The following COL24A1 variants were observed in gnomAD, a reference collection of about 807,000 sequenced individuals.
COL24A1 encodes collagen alpha-1(XXIV) chain.
In COL24A1, 224 loss-of-function variants were observed where a neutral mutation model predicts 253.9. That is an observed-to-expected ratio of 0.88 (90% confidence interval 0.79 to 0.99). The LOEUF is 0.99. Ranked by LOEUF, COL24A1 falls within the 50% of genes least tolerant of loss-of-function variation. The probability of loss-of-function intolerance (pLI) is 0.00; values close to 1 mark genes in which losing one functional copy is unlikely to be tolerated. For synonymous variants in COL24A1, 685 were observed against 673.7 expected, an observed-to-expected ratio of 1.02 and a Z score of -0.26; for missense variants, 2,131 against 2,068.5, an observed-to-expected ratio of 1.03 and a Z score of -0.59.
chr1:85,860,046 GA>G (rs544417552), intron 37 of COL24A1, among the ~76,000 whole-genome samples: 2,921 of 152,230 alleles, frequency 0.019, 91 homozygotes, highest in African/African-American at 0.068. Flanking sequence ...TAATAAAATA[GA>G]GGAACCAGTT....
intron 32 of COL24A1, among the ~76,000 whole-genome samples, chr1:85,878,029 C>G (rs1015195346): frequency 6.6e-6 from 1 of 152,060 alleles, no homozygotes; most frequent in African/African-American, 2.4e-5. Context: ...ATTTAAAGTT[C>G]CTTTATACAT....
chr1:86,078,201 A>G (rs1702390728), intron 7 of COL24A1, among the ~76,000 whole-genome samples: 1 of 152,156 alleles, frequency 6.6e-6, no homozygotes, highest in South Asian at 2.1e-4. Flanking sequence ...GTCAAAAACC[A>G]TATTATCATT....
chr1:85,890,695 C>T (rs1436995471), intron 31 of COL24A1, among the ~76,000 whole-genome samples: 1 of 151,958 alleles, frequency 6.6e-6, no homozygotes, highest in Non-Finnish European at 1.5e-5. Flanking sequence ...TATTTTAAAT[C>T]TGAATTTCTT....
intron 47 of COL24A1, among the ~76,000 whole-genome samples, chr1:85,810,763 C>CTTTAAGGAG (rs1672449997): frequency 6.6e-6 from 1 of 152,196 alleles, no homozygotes; most frequent in South Asian, 2.1e-4. Context: ...GTCCCCACTT[C>CTTTAAGGAG]ACCTTCTAGT....
chr1:85,786,569 T>G, intron 47 of COL24A1, 108 bp from the exon 48 acceptor site: 1 of 856,204 alleles, frequency 1.2e-6, no homozygotes, highest in Non-Finnish European at 1.8e-6. Context: ...TCTGTTAACA[T>G]ACTGCCCAGG....
chr1:86,032,620 TACAAGGC>T (rs1698669076), intron 13 of COL24A1, among the ~76,000 whole-genome samples: 1 of 152,142 alleles, frequency 6.6e-6, no homozygotes, highest in African/African-American at 2.4e-5. Flanking sequence ...TCACATTATT[TACAAGGC>T]ACAAAGTACA....
chr1:85,737,999 G>A (rs550639424), intron 57 of COL24A1, among the ~76,000 whole-genome samples: 36 of 152,168 alleles, frequency 2.4e-4, no homozygotes, highest in Admixed American at 1.5e-3. Flanking sequence ...TAAAAATGCT[G>A]TATTTTTCAC....
At chr1:86,039,087 G>A (rs1699254650) in intron 12 of COL24A1, among the ~76,000 whole-genome samples, 1 of 152,154 alleles carries the variant, frequency 6.6e-6, no homozygotes, top group Admixed American at 6.6e-5. Context: ...TGTGATGCCA[G>A]TGCTAAGTGC....
At chr1:85,802,329 C>T (rs1671512990) in intron 47 of COL24A1, among the ~76,000 whole-genome samples, 1 of 152,166 alleles carries the variant, frequency 6.6e-6, no homozygotes, top group Admixed American at 6.6e-5. Context: ...TATCACTCTA[C>T]ACCTTGCTCA....
At chr1:85,759,054 G>A (rs1259593654) in intron 55 of COL24A1, among the ~76,000 whole-genome samples, 2 of 151,988 alleles carry the variant, frequency 1.3e-5, no homozygotes, top group Non-Finnish European at 2.9e-5. Flanking sequence ...CACTAAATTG[G>A]TCTTATGATC....
chr1:85,859,919 T>C (rs955533228), intron 37 of COL24A1, among the ~76,000 whole-genome samples: 13 of 152,144 alleles, frequency 8.5e-5, no homozygotes, highest in African/African-American at 2.6e-4. Context: ...GGAGTTTAAG[T>C]CCAGCCTGAG....
intron 7 of COL24A1, among the ~76,000 whole-genome samples, chr1:86,085,739 A>G (rs1043492585): frequency 6.6e-6 from 1 of 152,218 alleles, no homozygotes; most frequent in African/African-American, 2.4e-5. Flanking sequence ...AATATACTTC[A>G]GTTCCTAGTA....
chr1:85,841,998 C>T, intron 41 of COL24A1, 70 bp downstream of exon 41: 1 of 1,328,062 alleles, frequency 7.5e-7, no homozygotes, highest in Non-Finnish European at 1.1e-6. Flanking sequence ...TTTTTCCATG[C>T]AGTCTTTCAG....
chr1:85,900,078 A>G (rs1684122994), intron 28 of COL24A1, among the ~76,000 whole-genome samples: 1 of 152,202 alleles, frequency 6.6e-6, no homozygotes, highest in Non-Finnish European at 1.5e-5. Context: ...GCTGATTGGT[A>G]TTGCAAATCA....
chr1:85,746,104 T>C (rs1665179956), intron 55 of COL24A1, among the ~76,000 whole-genome samples: 2 of 148,698 alleles, frequency 1.3e-5, no homozygotes, highest in South Asian at 4.2e-4. Flanking sequence ...GTAAAAGTCT[T>C]TTTTTTTTGT....
At chr1:85,993,115 C>A (rs972474502) in intron 19 of COL24A1, among the ~76,000 whole-genome samples, 14 of 152,056 alleles carry the variant, frequency 9.2e-5, no homozygotes, top group Middle Eastern at 3.4e-3. Flanking sequence ...GAAGCACTAG[C>A]AGATTCCATT....
At chr1:86,053,652 G>A (rs1414299631) in intron 10 of COL24A1, among the ~76,000 whole-genome samples, 1 of 151,986 alleles carries the variant, frequency 6.6e-6, no homozygotes, top group Non-Finnish European at 1.5e-5. Context: ...CAGAAGGTCG[G>A]GAGAGGTTCT....
intron 37 of COL24A1, among the ~76,000 whole-genome samples, chr1:85,858,628 CT>C: frequency 8.6e-6 from 1 of 116,680 alleles, no homozygotes; most frequent in Middle Eastern, 4.2e-3. Context: ...TCCCTCCTTC[CT>C]TCCTTCCTTC....
At chr1:86,141,142 C>G (rs1414602) in intron 2 of COL24A1, among the ~76,000 whole-genome samples, 1 of 152,150 alleles carries the variant, frequency 6.6e-6, no homozygotes, top group Non-Finnish European at 1.5e-5. Context: ...GAAAAGCACA[C>G]GAAGAAATTA....
Sources: allele counts gnomAD v4.1 joint callset (sites outside exome capture counted in the v4.1 genomes callset), GRCh38; gene constraint gnomAD v4.1.1; transcripts MANE v1.5; gene names NCBI Gene and HGNC (gene_info 2026-07-23, HGNC 2026-07-21).